The following NFIA variants were observed in gnomAD, a reference collection of about 807,000 sequenced individuals.
NFIA encodes the protein nuclear factor 1 A-type.
A neutral mutation model predicts 62.8 loss-of-function variants in NFIA; 8 were observed. The observed-to-expected ratio is 0.13, with a 90% CI of 0.07 to 0.23. The LOEUF (loss-of-function observed/expected upper bound fraction) is 0.23, where lower values mean the gene tolerates loss of function less well. NFIA is among the 10% of genes least tolerant of loss of function. The probability of loss-of-function intolerance (pLI) is 1.00; values close to 1 mark genes in which losing one functional copy is unlikely to be tolerated. For missense variants in NFIA, 410 were observed against 642.1 expected (o/e 0.64, Z 3.91); for synonymous variants, 235 against 238.1 (o/e 0.99, Z 0.12).
At chr1:61,414,594 T>C (rs1666271440) in intron 9 of NFIA, among the ~76,000 whole-genome samples, 1 of 151,684 alleles carries the variant, frequency 6.6e-6, no homozygotes, top group Non-Finnish European at 1.5e-5. Flanking sequence ...AAGATGTTAG[T>C]AGTTGTTTAT....
At position 61,082,805 on chromosome 1, in the gene NFIA, T is replaced by G; in HGVS notation, c.14T>G (p.Leu5Arg). 6.5e-7 allele frequency: 1 copy of G among 1,549,982 alleles called. No individual in the cohort carries two copies. Among genetic ancestry groups the G allele is most frequent in the Non-Finnish European group, 8.7e-7 (1 of 1,146,236 alleles). MYSP[L>R]CLTQDEFHPF... ...CGCCCGGCAGTTATGTATTCTCCGC[T>G]CTGTCTCACCCAGGTAAGCCGCGGC... The change falls in exon 1 of 11, where the codon CTC (leucine) becomes CGC (arginine). Residue 5 changes from leucine to arginine, a missense_variant. By Grantham distance (102) the Leu-to-Arg change is moderately radical. This residue lies in a region of NFIA where 86 missense variants were observed against 124.6 expected (regional missense o/e 0.69). Coordinates refer to ENST00000403491, the MANE Select transcript of NFIA (RefSeq NM_001134673.4).
intron 6 of NFIA, among the ~76,000 whole-genome samples, chr1:61,368,587 A>G (rs1268047853): frequency 6.6e-6 from 1 of 152,252 alleles, no homozygotes; most frequent in Non-Finnish European, 1.5e-5. Flanking sequence ...CCTAACTCAT[A>G]GCTTTGAAAA....
At chr1:61,420,341 C>T (rs1666548500) in intron 9 of NFIA, among the ~76,000 whole-genome samples, 1 of 149,924 alleles carries the variant, frequency 6.7e-6, no homozygotes, top group Non-Finnish European at 1.5e-5. Flanking sequence ...ACAGTTTCTG[C>T]ATTATTTTTA....
In NFIA at chr1:61,141,353, A is replaced by G. The variant is rs138244999; in HGVS notation, c.559+52673A>G. On this transcript the variant is annotated intron_variant, in intron 2 of 10. Transcript: ENST00000403491. ...TGTTTCAAAACAAGTAGCTGTCACC[A>G]TTCTTAACCCTGTCGTCCAAACCAG... Among the ~76,000 whole-genome samples, 430 of 152,166 alleles carry G rather than the reference A, an allele frequency of 2.8e-3. 5 individuals are homozygous for G. Among genetic ancestry groups the G allele is most frequent in the African/African-American group, 9.8e-3 (405 of 41,532 alleles).
intron 5 of NFIA, among the ~76,000 whole-genome samples, chr1:61,355,064 G>A (rs573323255): frequency 6.6e-6 from 1 of 152,100 alleles, no homozygotes; most frequent in African/African-American, 2.4e-5. Flanking sequence ...CTTCTAGGCC[G>A]TAATTACACA....
At chr1:61,354,531 A>T (rs1032739013) in intron 5 of NFIA, among the ~76,000 whole-genome samples, 4 of 152,182 alleles carry the variant, frequency 2.6e-5, no homozygotes, top group African/African-American at 9.6e-5. Flanking sequence ...CAGTGTTTTC[A>T]TTTAAACAGT....
Position 61,383,202 on chromosome 1 carries a change from T to C in NFIA, c.947-35T>C, listed in dbSNP as rs372527403. ...GTTGCACAAATCATTGTTCCATGAA[T>C]TAAAGTGTACTTACCAGTTGATCCT... On this transcript the variant is annotated intron_variant, in intron 6 of 10. Coordinates refer to ENST00000403491, the MANE Select transcript of NFIA (RefSeq NM_001134673.4). 26 of 1,610,814 alleles carry C rather than the reference T, an allele frequency of 1.6e-5. No individual in the cohort carries two copies. The African/African-American group carries it at 2.3e-4, about 14-fold the overall frequency.
At chr1:61,409,077 AC>A (rs1164571576) in intron 9 of NFIA, among the ~76,000 whole-genome samples, 3 of 152,222 alleles carry the variant, frequency 2.0e-5, no homozygotes, top group African/African-American at 7.2e-5. Flanking sequence ...TCTTGTCAGC[AC>A]TAAGGGGCAA....
At chr1:61,231,439 G>T (rs1392454862) in intron 2 of NFIA, among the ~76,000 whole-genome samples, 1 of 152,128 alleles carries the variant, frequency 6.6e-6, no homozygotes, top group Non-Finnish European at 1.5e-5. Context: ...CTAGATTAAT[G>T]TCATTAGCTT....
At chr1:61,426,433 T>C in intron 9 of NFIA, 32 bp from the exon 10 acceptor site, 1 of 1,468,398 alleles carries the variant, frequency 6.8e-7, no homozygotes, top group Non-Finnish European at 9.3e-7. Flanking sequence ...CTCGTGCCGC[T>C]TCCTGAACGC....
chr1:61,157,339 G>A (rs766636022), intron 2 of NFIA, among the ~76,000 whole-genome samples: 1 of 152,106 alleles, frequency 6.6e-6, no homozygotes, highest in African/African-American at 2.4e-5. Context: ...GCAAAAGAGA[G>A]CAGAACTGAT....
intron 3 of NFIA, among the ~76,000 whole-genome samples, chr1:61,279,928 T>G (rs1658031802): frequency 6.6e-6 from 1 of 152,236 alleles, no homozygotes; most frequent in Admixed American, 6.5e-5. Context: ...CTCAAGGATT[T>G]ACACTATCAT....
At chr1:61,250,561 C>G (rs1346172538) in intron 2 of NFIA, among the ~76,000 whole-genome samples, 1 of 152,030 alleles carries the variant, frequency 6.6e-6, no homozygotes, top group Non-Finnish European at 1.5e-5. Context: ...TTAAGATGAC[C>G]AGACAAAAAT....
At chr1:61,427,963 A>G (rs1037701825) in intron 10 of NFIA, among the ~76,000 whole-genome samples, 8 of 152,224 alleles carry the variant, frequency 5.3e-5, no homozygotes, top group African/African-American at 1.9e-4. Flanking sequence ...AAACAGAAGA[A>G]CATAATTTAA....
chr1:61,121,858 C>A (rs1402087598), intron 2 of NFIA, among the ~76,000 whole-genome samples: 1 of 152,164 alleles, frequency 6.6e-6, no homozygotes, highest in Non-Finnish European at 1.5e-5. Context: ...CCTGAAGTTA[C>A]ATCACTGTGC....
chr1:61,245,934 G>A (rs1655615601), intron 2 of NFIA, among the ~76,000 whole-genome samples: 2 of 152,140 alleles, frequency 1.3e-5, no homozygotes, highest in African/African-American at 4.8e-5. Flanking sequence ...CAAACCATGT[G>A]AAAAGTTCCA....
chr1:61,422,150 C>A (rs1666649859), intron 9 of NFIA, among the ~76,000 whole-genome samples: 1 of 152,124 alleles, frequency 6.6e-6, no homozygotes, highest in Non-Finnish European at 1.5e-5. Flanking sequence ...GTAGTCCCAG[C>A]TACTCAGGAA....
intron 5 of NFIA, among the ~76,000 whole-genome samples, chr1:61,358,328 AAG>A (rs1320401862): frequency 5.5e-5 from 3 of 54,990 alleles, no homozygotes; most frequent in Non-Finnish European, 1.2e-4. Flanking sequence ...AATGTGGCAA[AAG>A]AAAAAAAAAG....
intron 3 of NFIA, among the ~76,000 whole-genome samples, chr1:61,329,968 GTC>G (rs1292175606): frequency 6.6e-6 from 1 of 152,184 alleles, no homozygotes; most frequent in East Asian, 1.9e-4. Context: ...CATACATAGA[GTC>G]AGGAATCACA....
Sources: gnomAD v4.1 joint callset for allele counts (sites outside exome capture counted in the v4.1 genomes callset) on GRCh38, gnomAD v4.1.1 for gene constraint, gnomAD v4.1.1 regional missense constraint, MANE v1.5 for transcripts, NCBI Gene and HGNC (gene_info 2026-07-23, HGNC 2026-07-21) for gene names.